The following OR56A1 variants were observed in gnomAD, a reference collection of about 807,000 sequenced individuals.
The protein encoded by OR56A1 is olfactory receptor family 56 subfamily A member 1, also known as olfactory receptor 56A1.
For synonymous variants in OR56A1, 174 were observed against 159.1 expected (o/e 1.09, Z -0.70); for missense variants, 360 against 380.9 (o/e 0.94, Z 0.46).
Position 6,027,695 on chromosome 11 carries a change from G to A in OR56A1, c.-3C>T. 1.3e-6 allele frequency: 2 copies of A among 1,577,168 alleles called. No individual in the cohort carries two copies. Among genetic ancestry groups the A allele is most frequent in the African/African-American group, 1.3e-5 (1 of 74,188 alleles). ...GAGCTGTTGCTGGGTGACGCCATAG[G>A]CTGAATCATGAGCTGAGTAGGCTTC... is the stretch of plus-strand genomic sequence containing the variant. On this transcript the variant is annotated 5_prime_UTR_variant, in exon 2 of 2. Transcript: ENST00000641900.
chr11:6,028,815 A>G (rs573468305), intron 1 of OR56A1, among the ~76,000 whole-genome samples: 10 of 152,302 alleles, frequency 6.6e-5, no homozygotes, highest in African/African-American at 2.4e-4. Context: ...AAAACGATAT[A>G]TCAAAAAGAT....
Position 6,025,311 on chromosome 11 carries a change from T to TACA in OR56A1, c.*1436_*1437insTGT. The TACA allele has an allele frequency of 1.3e-5, 2 of 152,228 alleles. No homozygotes were observed. The highest frequency in any genetic ancestry group is 6.5e-5 in the Admixed American group (1 of 15,284). 9.4% of individuals were successfully genotyped at this position (152,228 alleles called of 1,614,324 possible). A position where few individuals can be genotyped will look rare whatever the true frequency, so the allele number is the denominator to read the frequency against. Reference sequence around the variant, plus strand: ...CTGCCGTCCATACTGTACTCTGTCATGCTGGCACTGGGAGTCAAACCCTTC... The same window carrying TACA: ...CTGCCGTCCATACTGTACTCTGTCATACAGCTGGCACTGGGAGTCAAACCCTTC... On this transcript the variant is annotated 3_prime_UTR_variant, in exon 2 of 2. Coordinates refer to ENST00000641900, the MANE Select transcript of OR56A1 (RefSeq NM_001388488.1).
upstream of OR56A1, among the ~76,000 whole-genome samples, chr11:6,032,240 G>A (rs576297001): frequency 5.9e-5 from 9 of 152,024 alleles, no homozygotes; most frequent in Admixed American, 1.3e-4. Context: ...AAAGCAAGGC[G>A]GAAATGAAAG....
rs868089932 is a variant in OR56A1, at chr11:6,024,041, C to G, written c.*2707G>C. The stretch of plus-strand genomic sequence containing the variant: ...TCCTCTAAACCTCTATACTTAGAAC[C>G]AGAGCAGAGAGCCAACTTTTCAAGT... On this transcript the variant is annotated 3_prime_UTR_variant, in exon 2 of 2. Transcript: ENST00000641900. The G allele has an allele frequency of 6.6e-6, 1 of 152,154 alleles. No homozygotes were observed. Among genetic ancestry groups the G allele is most frequent in the Non-Finnish European group, 1.5e-5 (1 of 68,026 alleles). 9.4% of individuals were successfully genotyped at this position (152,154 alleles called of 1,614,324 possible).
chr11:6,021,382 G>T lies in OR56A1; in HGVS notation c.*5366C>A, dbSNP rs1387903443. On this transcript the variant is annotated 3_prime_UTR_variant, in exon 2 of 2. Transcript: ENST00000641900. ...ACAATATATTGTATATTTTCAAATA[G>T]CTAGAAGAAAGAATATTGAATATAC... 6.6e-6 allele frequency: 1 copy of T among 152,034 alleles called. No individual in the cohort carries two copies. The highest frequency in any genetic ancestry group is 1.5e-5 in the Non-Finnish European group (1 of 67,972). 9.4% of individuals were successfully genotyped at this position (152,034 alleles called of 1,614,324 possible).
upstream of OR56A1, among the ~76,000 whole-genome samples, chr11:6,033,964 A>G (rs369971790): frequency 6.6e-6 from 1 of 152,166 alleles, no homozygotes; most frequent in Non-Finnish European, 1.5e-5. Context: ...GCTCTGCTCT[A>G]TCTCTATACC....
At chr11:6,033,422 G>A (rs1334759161), upstream of OR56A1, among the ~76,000 whole-genome samples, 2 of 150,774 alleles carry the variant, frequency 1.3e-5, no homozygotes, top group African/African-American at 2.4e-5. Flanking sequence ...CAAGTATCTA[G>A]TATGTACCAG....
At position 6,026,704 on chromosome 11, in the gene OR56A1, C is replaced by G; in HGVS notation, c.*44G>C. 1 of 1,251,960 alleles carries G rather than the reference C, an allele frequency of 8.0e-7. No homozygotes were observed. Among genetic ancestry groups the G allele is most frequent in the Non-Finnish European group, 1.1e-6 (1 of 883,558 alleles). The allele number at this position is 1,251,960 out of a possible 1,614,324, so 77.6% of individuals were successfully genotyped here. A position where few individuals can be genotyped will look rare whatever the true frequency, so the allele number is the denominator to read the frequency against. The stretch of plus-strand genomic sequence containing the variant: ...CTCTACTTCGCTGCCTAGGTAAAAT[C>G]ACTGAAGAGGAAGAACAGGAGGTAT... On this transcript the variant is annotated 3_prime_UTR_variant, in exon 2 of 2. Transcript: ENST00000641900.
Position 6,025,375 on chromosome 11 carries a change from A to G in OR56A1, c.*1373T>C, listed in dbSNP as rs1179215713. 1.3e-5 allele frequency: 2 copies of G among 152,224 alleles called. No individual in the cohort carries two copies. Among genetic ancestry groups the G allele is most frequent in the African/African-American group, 4.8e-5 (2 of 41,438 alleles). The allele number at this position is 152,224 out of a possible 1,614,324, so 9.4% of individuals were successfully genotyped here. On this transcript the variant is annotated 3_prime_UTR_variant, in exon 2 of 2. Transcript: ENST00000641900. ...TCTCTCTGAGTTTCTACCTACAGAG[A>G]GCAACAGAAACATTAGAAGGTTGAA...
Position 6,020,626 on chromosome 11 carries a change from G to A in OR56A1, c.*6122C>T, listed in dbSNP as rs1183285506. On this transcript the variant is annotated 3_prime_UTR_variant, in exon 2 of 2. Coordinates refer to ENST00000641900, the MANE Select transcript of OR56A1 (RefSeq NM_001388488.1). Reference sequence around the variant, plus strand: ...ATCTCAGTTTGGCTGTTGTTGTTATGTAGGAATGCTAGTGATTTTTGTACA... The same window carrying A: ...ATCTCAGTTTGGCTGTTGTTGTTATATAGGAATGCTAGTGATTTTTGTACA... 1.3e-5 allele frequency: 2 copies of A among 152,030 alleles called. No homozygotes were observed. The highest frequency in any genetic ancestry group is 4.8e-5 in the African/African-American group (2 of 41,418). The allele number at this position is 152,030 out of a possible 1,614,324, so 9.4% of individuals were successfully genotyped here.
In OR56A1 at chr11:6,026,892, G is replaced by C. The variant is rs144053540; in HGVS notation, c.801C>G (p.Ala267=). The change falls in exon 2 of 2, where the codon GCC becomes GCG. Residue 267 remains alanine (A), a synonymous_variant. Coordinates refer to ENST00000641900, the MANE Select transcript of OR56A1 (RefSeq NM_001388488.1). The stretch of plus-strand genomic sequence containing the variant: ...GGATGTCCATGGGGACCTTCTTTCT[G>C]GCCACGTTTGTCAACACCACAACCA... ...ILLVVVLTNV[A]RKKVPMDILI... is the part of the protein sequence containing the mutation. 6.2e-7 allele frequency: 1 copy of C among 1,614,110 alleles called. No homozygotes were observed. Among genetic ancestry groups the C allele is most frequent in the Non-Finnish European group, 8.5e-7 (1 of 1,179,966 alleles).
chr11:6,033,824 G>A (rs539944567), upstream of OR56A1, among the ~76,000 whole-genome samples: 1 of 152,260 alleles, frequency 6.6e-6, no homozygotes, highest in South Asian at 2.1e-4. Flanking sequence ...TCTAAAGAAA[G>A]TTATATTTTT....
At chr11:6,028,684 G>T (rs1426911227) in intron 1 of OR56A1, among the ~76,000 whole-genome samples, 1 of 152,134 alleles carries the variant, frequency 6.6e-6, no homozygotes, top group African/African-American at 2.4e-5. Context: ...TATGCAATTG[G>T]TGGGAATGTA....
rs929606832 is a variant in OR56A1, at chr11:6,021,789, T to G, written c.*4959A>C. 2.0e-5 allele frequency: 3 copies of G among 151,890 alleles called. No individual in the cohort carries two copies. Among genetic ancestry groups the G allele is most frequent in the Admixed American group, 2.0e-4 (3 of 15,212 alleles). The allele number at this position is 151,890 out of a possible 1,614,324, so 9.4% of individuals were successfully genotyped here. The stretch of plus-strand genomic sequence containing the variant: ...AAACAATGATCAGGAGAGTTCCTCC[T>G]AGAGAACGCAAACAATGTCTAGTCA... On this transcript the variant is annotated 3_prime_UTR_variant, in exon 2 of 2. Transcript: ENST00000641900.
At position 6,024,847 on chromosome 11, in the gene OR56A1, T is replaced by A. The variant is rs189202223; in HGVS notation, c.*1901A>T. 13 of 152,224 alleles carry A rather than the reference T, an allele frequency of 8.5e-5. No individual in the cohort carries two copies. The highest frequency in any genetic ancestry group is 1.6e-4 in the Non-Finnish European group (11 of 67,996). The allele number at this position is 152,224 out of a possible 1,614,324, so 9.4% of individuals were successfully genotyped here. ...AATTCTGTGCTTAAAATATGACAAA[T>A]ACTGAGTTGAACCTGTGGCTCTGGC... On this transcript the variant is annotated 3_prime_UTR_variant, in exon 2 of 2. Transcript: ENST00000641900.
chr11:6,032,341 C>T (rs1310531421), upstream of OR56A1, among the ~76,000 whole-genome samples: 3 of 152,156 alleles, frequency 2.0e-5, no homozygotes, highest in Non-Finnish European at 4.4e-5. Context: ...GAGGAAGCCA[C>T]TTCTACTATT....
At chr11:6,031,995 A>G (rs1848517312), upstream of OR56A1, among the ~76,000 whole-genome samples, 1 of 152,288 alleles carries the variant, frequency 6.6e-6, no homozygotes, top group Non-Finnish European at 1.5e-5. Context: ...GAAAATTTCA[A>G]GAAGGGTTTT....
chr11:6,026,805 C>G lies in OR56A1; in HGVS notation c.888G>C (p.Gly296=). The change falls in exon 2 of 2, where the codon GGG becomes GGC. Residue 296 remains glycine (G), a synonymous_variant. Transcript: ENST00000641900. ...CCTGTTTTATCTCTTTGGTCCGAAC[C>G]CCATACACAATAGGGTTCAATGCAG... is the stretch of plus-strand genomic sequence containing the variant. The part of the protein sequence containing the change: ...IPPALNPIVY[G]VRTKEIKQGI... 1 of 1,613,782 alleles carries G rather than the reference C, an allele frequency of 6.2e-7. No individual in the cohort carries two copies. Among genetic ancestry groups the G allele is most frequent in the Non-Finnish European group, 8.5e-7 (1 of 1,179,798 alleles).
Position 6,022,030 on chromosome 11 carries a change from G to T in OR56A1, c.*4718C>A, listed in dbSNP as rs1312325910. On this transcript the variant is annotated 3_prime_UTR_variant, in exon 2 of 2. Transcript: ENST00000641900. ...AGGCCACACACATCTGTAGGTCTTG[G>T]ATTTTTTGCTGCATAGAGTAATCAG... The T allele has an allele frequency of 6.6e-6, 1 of 152,144 alleles. No homozygotes were observed. The highest frequency in any genetic ancestry group is 1.5e-5 in the Non-Finnish European group (1 of 67,992). 9.4% of individuals were successfully genotyped at this position (152,144 alleles called of 1,614,324 possible). A position where few individuals can be genotyped will look rare whatever the true frequency, so the allele number is the denominator to read the frequency against.
Sources: allele counts gnomAD v4.1 joint callset (sites outside exome capture counted in the v4.1 genomes callset), GRCh38; gene constraint gnomAD v4.1.1; transcripts MANE v1.5; gene names NCBI Gene and HGNC (gene_info 2026-07-23, HGNC 2026-07-21).